Variants in IGF1R observed in about 807,000 individuals in gnomAD.
IGF1R encodes insulin like growth factor 1 receptor.
In IGF1R, 44 loss-of-function variants were observed where a neutral mutation model predicts 144.6. That is an observed-to-expected ratio of 0.30 (90% CI 0.24 to 0.39). IGF1R has a LOEUF of 0.39. IGF1R is among the 10% of genes least tolerant of loss of function. IGF1R has a pLI of 1.00. For missense variants in IGF1R, 1,355 were observed against 1,833.7 expected (o/e 0.74, Z 4.77); for synonymous variants, 795 against 722.8 (o/e 1.10, Z -1.60).
intron 2 of IGF1R, among the ~76,000 whole-genome samples, chr15:98,818,462 C>G (rs55734844): frequency 1.6e-4 from 25 of 152,062 alleles, no homozygotes; most frequent in African/African-American, 5.5e-4. Flanking sequence ...GCAGGGAGAC[C>G]GCTTAGGAAG....
chr15:98,658,861 T>A (rs917254981), intron 1 of IGF1R, among the ~76,000 whole-genome samples: 1 of 152,358 alleles, frequency 6.6e-6, no homozygotes, highest in Middle Eastern at 3.4e-3. Context: ...TCTCAGCTCT[T>A]CAGTAGCTAA....
intron 2 of IGF1R, among the ~76,000 whole-genome samples, chr15:98,805,150 T>G (rs868201671): frequency 2.6e-4 from 39 of 152,338 alleles, no homozygotes; most frequent in African/African-American, 8.7e-4. Flanking sequence ...ACCTCAATCT[T>G]GAGGTGTTAT....
chr15:98,801,579 G>A (rs1311429616), intron 2 of IGF1R, among the ~76,000 whole-genome samples: 2 of 152,200 alleles, frequency 1.3e-5, no homozygotes, highest in South Asian at 2.1e-4. Flanking sequence ...ACCCCAAGCC[G>A]ACTGCTTGTC....
intron 2 of IGF1R, among the ~76,000 whole-genome samples, chr15:98,840,473 G>A (rs1407219960): frequency 6.6e-6 from 1 of 152,082 alleles, no homozygotes; most frequent in African/African-American, 2.4e-5. Context: ...TTGTTAAGAT[G>A]GAGTCTCACT....
intron 1 of IGF1R, among the ~76,000 whole-genome samples, chr15:98,698,038 C>CT (rs57604161): frequency 0.03 from 4,015 of 133,446 alleles, 66 homozygotes; most frequent in Non-Finnish European, 0.042. Flanking sequence ...CCTGGCCTTC[C>CT]TTTTTTTTTT....
chr15:98,827,577 C>T (rs943785782), intron 2 of IGF1R, among the ~76,000 whole-genome samples: 1 of 152,046 alleles, frequency 6.6e-6, no homozygotes, highest in Non-Finnish European at 1.5e-5. Flanking sequence ...CCTTTTAAAC[C>T]AACTCTCACT....
chr15:98,904,754 A>T (rs966509121), intron 5 of IGF1R, among the ~76,000 whole-genome samples: 2 of 152,224 alleles, frequency 1.3e-5, no homozygotes, highest in Non-Finnish European at 2.9e-5. Flanking sequence ...TGTTTTCAGT[A>T]TGTCAGCAAG....
At chr15:98,848,728 C>G (rs2011430259) in intron 2 of IGF1R, among the ~76,000 whole-genome samples, 1 of 152,206 alleles carries the variant, frequency 6.6e-6, no homozygotes, top group African/African-American at 2.4e-5. Context: ...CTTTGATTCC[C>G]CCCCATCCCA....
chr15:98,740,181 T>A (rs925155461), intron 2 of IGF1R, among the ~76,000 whole-genome samples: 3 of 152,252 alleles, frequency 2.0e-5, no homozygotes, highest in Non-Finnish European at 4.4e-5. Context: ...CTTGATGTTT[T>A]AAAATGCCTT....
chr15:98,857,712 G>A (rs1371451012), intron 2 of IGF1R, among the ~76,000 whole-genome samples: 1 of 152,152 alleles, frequency 6.6e-6, no homozygotes, highest in Non-Finnish European at 1.5e-5. Context: ...CTGGATTTTG[G>A]ATTTTTTTAA....
At chr15:98,830,204 C>T (rs544784905) in intron 2 of IGF1R, among the ~76,000 whole-genome samples, 1 of 152,340 alleles carries the variant, frequency 6.6e-6, no homozygotes, top group Admixed American at 6.5e-5. Context: ...GAGCAGTGTT[C>T]CTGCCCTTTT....
chr15:98,796,859 T>C (rs1003147532), intron 2 of IGF1R, among the ~76,000 whole-genome samples: 8 of 152,298 alleles, frequency 5.3e-5, no homozygotes, highest in Admixed American at 2.0e-4. Flanking sequence ...GCTCAGGAAA[T>C]GTTTGCTGAA....
intron 2 of IGF1R, among the ~76,000 whole-genome samples, chr15:98,760,067 C>T (rs572537389): frequency 6.6e-5 from 10 of 152,056 alleles, no homozygotes; most frequent in South Asian, 2.1e-4. Context: ...TGACTGGGCG[C>T]GGTGGCTCAC....
At chr15:98,693,030 G>T (rs778162694) in intron 1 of IGF1R, among the ~76,000 whole-genome samples, 35 of 152,174 alleles carry the variant, frequency 2.3e-4, no homozygotes, top group Non-Finnish European at 4.3e-4. Context: ...CCGTGGTGTT[G>T]CCTAGAGAGC....
chr15:98,768,930 AAACAACAAC>A (rs56709467), intron 2 of IGF1R, among the ~76,000 whole-genome samples: 7 of 16,454 alleles, frequency 4.3e-4, no homozygotes, highest in African/African-American at 4.6e-4. Context: ...TCCGTCTCAA[AAACAACAAC>A]AACAACAACA....
At chr15:98,939,520 A>G (rs1332810561) in intron 18 of IGF1R, among the ~76,000 whole-genome samples, 160 bp downstream of exon 18, 1 of 152,188 alleles carries the variant, frequency 6.6e-6, no homozygotes, top group African/African-American at 2.4e-5. Context: ...GATGGTCACA[A>G]ACCTGGCACG....
intron 2 of IGF1R, chr15:98,734,854 G>A (rs2054575744): frequency 6.6e-6 from 1 of 152,038 alleles, no homozygotes; most frequent in South Asian, 2.1e-4. Context: ...TTGTCAATTG[G>A]GTATTTCCCT....
chr15:98,777,366 G>A lies in IGF1R; in HGVS notation c.640+69259G>A, dbSNP rs575436649. Among the ~76,000 whole-genome samples the A allele has an allele frequency of 3.9e-5, 6 of 152,364 alleles. No homozygotes were observed. The East Asian group carries it at 1.2e-3, about 29-fold the overall frequency. Reference sequence around the variant, plus strand: ...CGCTGTTTGTTAAACCTTTCAAAGAGGGAAGAAGGTTGCCTTGAATTCAGT... The same window carrying A: ...CGCTGTTTGTTAAACCTTTCAAAGAAGGAAGAAGGTTGCCTTGAATTCAGT... On this transcript the variant is annotated intron_variant, in intron 2 of 20. Transcript: ENST00000650285.
intron 2 of IGF1R, among the ~76,000 whole-genome samples, chr15:98,759,155 G>A (rs752403011): frequency 2.0e-5 from 3 of 152,112 alleles, no homozygotes; most frequent in Non-Finnish European, 2.9e-5. Context: ...ATGTACACAC[G>A]CACAGGGGCA....
Sources: gnomAD v4.1 joint callset for allele counts (sites outside exome capture counted in the v4.1 genomes callset) on GRCh38, gnomAD v4.1.1 for gene constraint, MANE v1.5 for transcripts, NCBI Gene and HGNC (gene_info 2026-07-23, HGNC 2026-07-21) for gene names.